INTS9: variants seen among roughly 807,000 people sequenced by gnomAD.
The protein encoded by INTS9 is integrator complex subunit 9.
In INTS9, 55 loss-of-function variants were observed where a neutral mutation model predicts 79.7. The ratio of observed to expected loss-of-function variants is 0.69; its 90% CI spans 0.56 to 0.86. The LOEUF (loss-of-function observed/expected upper bound fraction) is 0.86, where lower values mean the gene tolerates loss of function less well. INTS9 is among the 40% of genes least tolerant of loss of function. The pLI is 0.00. For synonymous variants in INTS9, 319 were observed against 325.2 expected (o/e 0.98, Z 0.20); for missense variants, 721 against 831.5 (o/e 0.87, Z 1.64).
intron 14 of INTS9, chr8:28,771,294 CCT>C: frequency 1.8e-6 from 1 of 570,596 alleles, no homozygotes; most frequent in South Asian, 1.8e-5. Context: ...ACCCTCATCC[CCT>C]CTCCAGGTGA....
In INTS9 at chr8:28,777,284, G is replaced by A. The variant is rs78657779; in HGVS notation, c.1395+545C>T. On this transcript the variant is annotated intron_variant, in intron 13 of 16. Coordinates refer to ENST00000521022, the MANE Select transcript of INTS9 (RefSeq NM_018250.4). The stretch of plus-strand genomic sequence containing the variant: ...GACTCTCAAGAGCCAGAAACCCAGC[G>A]AGCAGTGGCTGAGCCAGCACAGTGG... 2.1e-4 allele frequency among the ~76,000 whole-genome samples: 32 copies of A among 152,200 alleles called. No individual in the cohort carries two copies. In the East Asian group the frequency reaches 6.0e-3, roughly 29 times the overall value.
chr8:28,842,820 C>T (rs1427526445), intron 4 of INTS9, among the ~76,000 whole-genome samples: 2 of 152,174 alleles, frequency 1.3e-5, no homozygotes, highest in African/African-American at 2.4e-5. Context: ...ACAATGATGG[C>T]AGGTTCAATG....
intron 10 of INTS9, among the ~76,000 whole-genome samples, chr8:28,793,231 T>C (rs1490075351): frequency 6.6e-6 from 1 of 152,210 alleles, no homozygotes; most frequent in Non-Finnish European, 1.5e-5. Context: ...GGGGATATTG[T>C]AAAAGTTATT....
intron 16 of INTS9, 26 bp from the exon 17 acceptor site, chr8:28,768,348 G>GGGCTGGGCA (rs1273629867): frequency 3.7e-5 from 60 of 1,607,766 alleles, no homozygotes; most frequent in Non-Finnish European, 4.4e-5. Context: ...AGAAAGAGGT[G>GGGCTGGGCA]GGCTGGGCAG....
chr8:28,861,596 C>G lies in INTS9; in HGVS notation c.10-2033G>C, dbSNP rs547493985. ...TGAGCTTTTACTACATTTTTATAAT[C>G]AGAAAAAAAATGTGATTAAAACAAA... is the stretch of plus-strand genomic sequence containing the variant. On this transcript the variant is annotated intron_variant, in intron 1 of 16. Transcript: ENST00000521022. Among the ~76,000 whole-genome samples, 4 of 152,136 alleles carry G rather than the reference C, an allele frequency of 2.6e-5. No homozygotes were observed. The South Asian group carries it at 8.3e-4, about 32-fold the overall frequency.
chr8:28,835,934 G>A (rs528403370), intron 5 of INTS9, among the ~76,000 whole-genome samples: 1 of 151,968 alleles, frequency 6.6e-6, no homozygotes, highest in African/African-American at 2.4e-5. Flanking sequence ...TCAGCCACTC[G>A]AGTAGCTGGG....
chr8:28,781,613 A>C (rs967682020), intron 11 of INTS9, among the ~76,000 whole-genome samples: 19 of 152,208 alleles, frequency 1.2e-4, no homozygotes, highest in Non-Finnish European at 2.2e-4. Context: ...AGCCCTAAAA[A>C]AGAAATGAGC....
At chr8:28,821,672 C>T (rs1805838951) in intron 6 of INTS9, among the ~76,000 whole-genome samples, 1 of 151,908 alleles carries the variant, frequency 6.6e-6, no homozygotes, top group African/African-American at 2.4e-5. Flanking sequence ...TGTTCTCTTC[C>T]TTGACCAGGG....
chr8:28,819,039 C>A (rs1805670409), intron 6 of INTS9, among the ~76,000 whole-genome samples: 1 of 152,048 alleles, frequency 6.6e-6, no homozygotes, highest in Middle Eastern at 3.2e-3. Context: ...TGATTCTTCT[C>A]TCTTTTCTTC....
chr8:28,830,769 T>G lies in INTS9; in HGVS notation c.488+4523A>C, dbSNP rs189878527. Among the ~76,000 whole-genome samples the G allele has an allele frequency of 2.2e-3, 339 of 152,316 alleles. 1 individual carries two copies. The highest frequency in any genetic ancestry group is 4.1e-3 in the Non-Finnish European group (277 of 68,020). On this transcript the variant is annotated intron_variant, in intron 6 of 16. Coordinates refer to ENST00000521022, the MANE Select transcript of INTS9 (RefSeq NM_018250.4). Reference sequence around the variant, plus strand: ...AGTATGTTTTCCAATAATTAGACTCTTCCCTTTCTCTACCAATAACTATGG... The same window carrying G: ...AGTATGTTTTCCAATAATTAGACTCGTCCCTTTCTCTACCAATAACTATGG...
chr8:28,768,249 A>G lies in INTS9; in HGVS notation c.1874T>C (p.Leu625Pro), dbSNP rs1358265999. The stretch of plus-strand genomic sequence containing the variant: ...GGTCGAGTCTTCTTCAATCTGGATG[A>G]GCGTCTCAGCCTCCTGGAGCAGGAC... ...HIVLLQEAET[L>P]IQIEEDSTHI... Residue 625 changes from leucine (L) to proline (P), a missense_variant, in exon 17 of 17, where the codon CTC becomes CCC. This residue lies in a region of INTS9 where 281 missense variants were observed against 300.8 expected (regional missense o/e 0.93). Coordinates refer to ENST00000521022, the MANE Select transcript of INTS9 (RefSeq NM_018250.4). 6.2e-7 allele frequency: 1 copy of G among 1,613,988 alleles called. No homozygotes were observed. Among genetic ancestry groups the G allele is most frequent in the Non-Finnish European group, 8.5e-7 (1 of 1,180,018 alleles).
At chr8:28,802,238 A>G (rs7843943) in intron 8 of INTS9, among the ~76,000 whole-genome samples, 30,602 of 152,054 alleles carry the variant, frequency 0.2, 3,502 homozygotes, top group East Asian at 0.47. Flanking sequence ...GACTCCATAA[A>G]CTCAGGGTCC....
At chr8:28,806,719 T>C (rs558469265) in intron 8 of INTS9, among the ~76,000 whole-genome samples, 1 of 152,308 alleles carries the variant, frequency 6.6e-6, no homozygotes, top group African/African-American at 2.4e-5. Context: ...CCTCTAATCC[T>C]ATGTCTAATC....
At chr8:28,773,463 C>CA (rs142334976) in intron 14 of INTS9, among the ~76,000 whole-genome samples, 1,988 of 107,784 alleles carry the variant, frequency 0.018, 55 homozygotes, top group African/African-American at 0.064. Context: ...GACTCCGTCT[C>CA]AAAAAAAAAA....
At chr8:28,778,902 C>T (rs1363585528) in intron 12 of INTS9, among the ~76,000 whole-genome samples, 1 of 152,090 alleles carries the variant, frequency 6.6e-6, no homozygotes, top group African/African-American at 2.4e-5. Flanking sequence ...TTCATGTATC[C>T]AGGAGTCACA....
chr8:28,770,090 C>T, intron 15 of INTS9, 64 bp from the exon 16 acceptor site: 1 of 1,575,956 alleles, frequency 6.3e-7, no homozygotes, highest in Non-Finnish European at 8.6e-7. Context: ...CACCGCAGGC[C>T]ACACTGAGAG....
At chr8:28,853,884 A>G (rs1807996445) in intron 2 of INTS9, among the ~76,000 whole-genome samples, 1 of 151,712 alleles carries the variant, frequency 6.6e-6, no homozygotes, top group Non-Finnish European at 1.5e-5. Context: ...ACGCTCGGCT[A>G]ATTTTTTGTA....
chr8:28,867,809 GTTA>G (rs1276876492), intron 1 of INTS9, among the ~76,000 whole-genome samples: 1 of 151,392 alleles, frequency 6.6e-6, no homozygotes, highest in Non-Finnish European at 1.5e-5. Flanking sequence ...AATACGCATA[GTTA>G]TTATGCTATG....
chr8:28,863,472 G>A (rs768026971), intron 1 of INTS9, among the ~76,000 whole-genome samples: 1 of 152,128 alleles, frequency 6.6e-6, no homozygotes, highest in Non-Finnish European at 1.5e-5. Context: ...TACAGCAAAA[G>A]TTATATAAAT....
Sources: gnomAD v4.1 joint callset for allele counts (sites outside exome capture counted in the v4.1 genomes callset) on GRCh38, gnomAD v4.1.1 for gene constraint, gnomAD v4.1.1 regional missense constraint, MANE v1.5 for transcripts, NCBI Gene and HGNC (gene_info 2026-07-23, HGNC 2026-07-21) for gene names.